The following HELZ2 variants were observed in gnomAD, a reference collection of about 807,000 sequenced individuals.
The protein encoded by HELZ2 is 3'-5' exoribonuclease HELZ2.
Under a neutral mutation model 208.8 loss-of-function variants are expected in HELZ2, and 143 were observed. The observed-to-expected ratio is 0.68, with a 90% CI of 0.60 to 0.79. The LOEUF (loss-of-function observed/expected upper bound fraction) is 0.79, where lower values mean the gene tolerates loss of function less well. Among genes scored for constraint, HELZ2 ranks in the 30% least tolerant of loss-of-function variants. HELZ2 has a pLI of 0.00. For missense variants in HELZ2, 3,690 were observed against 3,794.5 expected (o/e 0.97, Z 0.72); for synonymous variants, 1,705 against 1,693.7 (o/e 1.01, Z -0.16).
chr20:63,562,259 G>T (rs1283859645), intron 9 of HELZ2, 29 bp downstream of exon 10: 1 of 1,599,718 alleles, frequency 6.3e-7, no homozygotes, highest in South Asian at 1.1e-5. Context: ...GGGGCCAGAG[G>T]GGAAGCTGGA....
exon 8 of HELZ2, chr20:63,566,182 G>T (rs1315236528): frequency 1.3e-6 from 2 of 1,524,654 alleles, no homozygotes; most frequent in South Asian, 1.2e-5. Context: ...GGCTGAGCAG[G>T]CTCTGGCAGG....
At chr20:63,562,689 G>A in exon 8 of HELZ2, 1 of 1,599,288 alleles carries the variant, frequency 6.3e-7, no homozygotes, top group Non-Finnish European at 8.5e-7. Flanking sequence ...GTCTGCCCGT[G>A]GGCCACCCAG....
chr20:63,570,369 G>A, intron 3 of HELZ2, 135 bp downstream of exon 4: 2 of 756,902 alleles, frequency 2.6e-6, no homozygotes, highest in Non-Finnish European at 2.4e-6. Flanking sequence ...TAAGGGACCT[G>A]CTGCAGGTCA....
In HELZ2 at chr20:63,563,221, A is replaced by G. The variant is rs781251514; in HGVS notation, c.5601T>C (p.Cys1867=). The G allele has an allele frequency of 1.3e-5, 20 of 1,576,690 alleles. 1 individual carries two copies. In the South Asian group the frequency reaches 2.3e-4, roughly 18 times the overall value. The stretch of plus-strand genomic sequence containing the variant: ...CCCGGGCCACCTCCAGGAAATGGCC[A>G]CAGTGGCTCCGCTGCACCTGCACCA... Residue 1867 remains cysteine, a synonymous_variant, in exon 8 of 19, where the codon TGT becomes TGC. Transcript: ENST00000467148.
exon 5 of HELZ2, chr20:63,568,400 C>T (rs780515686): frequency 5.6e-6 from 9 of 1,610,172 alleles, no homozygotes; most frequent in African/African-American, 1.3e-5. Context: ...TTCAGGCCTC[C>T]GGATGACCTC....
rs759037738 is a variant in HELZ2 at position 63,562,305 on chromosome 20, G to C, written c.6380C>G (p.Pro2127Arg). The change falls in exon 9 of 19, where the codon CCG (proline) becomes CGG (arginine). Residue 2127 changes from proline to arginine, a missense_variant. Pro to Arg is a moderately radical substitution (Grantham distance 103, BLOSUM62 -2). Transcript: ENST00000467148. ...AGACCTACCTCTGCAGAGGGGCTGC[G>C]GGACAGGCCGGCCCAGTGCGATGCT... The C allele has an allele frequency of 1.3e-6, 2 of 1,598,188 alleles. No homozygotes were observed. The highest frequency in any genetic ancestry group is 8.5e-7 in the Non-Finnish European group (1 of 1,174,782).
upstream of HELZ2, chr20:63,572,635 G>T: frequency 2.0e-6 from 1 of 489,680 alleles, no homozygotes; most frequent in Non-Finnish European, 3.6e-6. Context: ...AGCAGAGGGA[G>T]CAAAGCAGCT....
At chr20:63,566,201 G>C in exon 8 of HELZ2, 1 of 1,509,564 alleles carries the variant, frequency 6.6e-7, no homozygotes, top group African/African-American at 1.4e-5. Flanking sequence ...GGTGTGCACA[G>C]TGCTGAGCAC....
rs375939390 is a variant in HELZ2 at position 63,572,208 on chromosome 20, C to T, written c.178G>A (p.Ala60Thr). 1.3e-4 allele frequency: 210 copies of T among 1,604,988 alleles called. 4 individuals are homozygous for T. In the South Asian group the frequency reaches 1.9e-3, roughly 15 times the overall value. The change falls in exon 1 of 19, where the codon GCA becomes ACA. Residue 60 changes from alanine (A) to threonine (T), a missense_variant. Physicochemically the swap from Ala to Thr is moderately conservative, Grantham distance 58. Around this residue, in one of 3 missense-constraint regions of HELZ2, gnomAD observed 1,119 missense variants for 1,193.4 expected, o/e 0.94. Transcript: ENST00000467148. Reference sequence around the variant, plus strand: ...ACCATCTGTGCGTGCTCCGAGGATGCGCAGTGGTTCTCGAAGGCCTCCTGA... The same window carrying T: ...ACCATCTGTGCGTGCTCCGAGGATGTGCAGTGGTTCTCGAAGGCCTCCTGA...
At chr20:63,562,121 C>G in exon 10 of HELZ2, 1 of 1,612,554 alleles carries the variant, frequency 6.2e-7, no homozygotes, top group South Asian at 1.1e-5. Context: ...CCTCCCTGAC[C>G]GCCACGTTCT....
exon 6 of HELZ2, chr20:63,567,526 C>A (rs1449240823): frequency 7.7e-6 from 12 of 1,564,570 alleles, no homozygotes; most frequent in Non-Finnish European, 8.7e-7. Context: ...GTCCGTCTGG[C>A]TCAGCGGCCG....
chr20:63,563,787 G>C (rs780674741), exon 8 of HELZ2: 7 of 1,603,848 alleles, frequency 4.4e-6, no homozygotes, highest in Non-Finnish European at 5.1e-6. Flanking sequence ...ACCACGTCCA[G>C]GTACCTGCGG....
At position 63,560,328 on chromosome 20, in the gene HELZ2, C is replaced by T; in HGVS notation, c.7501-1G>A. On this transcript the variant is annotated splice_acceptor_variant, in intron 16 of 18. Transcript: ENST00000467148. LOFTEE classifies it high-confidence loss of function. ...GGGTCAGCTGCTTGGTGATACGGAC[C>T]TGAGGAGCCGAGGGGGCAGGTGGAG... The T allele has an allele frequency of 6.4e-7, 1 of 1,553,694 alleles. No individual in the cohort carries two copies. The highest frequency in any genetic ancestry group is 1.2e-5 in the South Asian group (1 of 83,346).
At chr20:63,566,179 C>T in exon 8 of HELZ2, 1 of 1,523,526 alleles carries the variant, frequency 6.6e-7, no homozygotes. Flanking sequence ...CAGGGCTGAG[C>T]AGGCTCTGGC....
chr20:63,565,426 G>A (rs1342508721), exon 8 of HELZ2: 4 of 1,610,950 alleles, frequency 2.5e-6, no homozygotes, highest in Non-Finnish European at 3.4e-6. Context: ...GCACGAAAGA[G>A]CAGTGGCGGT....
Position 63,565,039 on chromosome 20 carries a change from G to C in HELZ2, c.3783C>G (p.His1261Gln), listed in dbSNP as rs761680210. ...CAATTTGGACCCAGAAGAGCCGGCT[G>C]TGCCGGGCCTCGGCGGTGAGCCTCT... The change falls in exon 8 of 19, where the codon CAC (histidine) becomes CAG (glutamine). Residue 1261 changes from histidine to glutamine, a missense_variant. This residue lies in a region of HELZ2 where 2,564 missense variants were observed against 2,580.5 expected (regional missense o/e 0.99). Coordinates refer to ENST00000467148, the Ensembl canonical transcript of HELZ2. 39 of 1,572,208 alleles carry C rather than the reference G, an allele frequency of 2.5e-5. No individual in the cohort carries two copies. In the African/African-American group the frequency reaches 4.5e-4, roughly 18 times the overall value.
exon 16 of HELZ2, chr20:63,560,605 G>T: frequency 3.1e-6 from 5 of 1,611,710 alleles, no homozygotes; most frequent in Non-Finnish European, 4.2e-6. Flanking sequence ...TGCCAGCGTG[G>T]CCCAGGACAC....
chr20:63,569,099 G>A, intron 4 of HELZ2, 49 bp downstream of exon 5: 1 of 1,582,106 alleles, frequency 6.3e-7, no homozygotes. Context: ...CGCTCCCATT[G>A]CCCCAGCTGC....
exon 8 of HELZ2, chr20:63,562,728 C>T: frequency 2.5e-6 from 4 of 1,602,270 alleles, no homozygotes; most frequent in Non-Finnish European, 3.4e-6. Flanking sequence ...ACATTCAGGC[C>T]AGGGCCGAGG....
Sources: gnomAD v4.1 joint callset for allele counts on GRCh38, gnomAD v4.1.1 for gene constraint, gnomAD v4.1.1 regional missense constraint, MANE v1.5 for transcripts, NCBI Gene and HGNC (gene_info 2026-07-23, HGNC 2026-07-21) for gene names.